ENOX1: variants seen among roughly 807,000 people sequenced by gnomAD.
ENOX1 encodes the protein ecto-NOX disulfide-thiol exchanger 1.
Under a neutral mutation model 82.5 loss-of-function variants are expected in ENOX1, and 42 were observed. The ratio of observed to expected loss-of-function variants is 0.51; its 90% CI spans 0.40 to 0.66. The LOEUF is 0.66. ENOX1 is among the 30% of genes least tolerant of loss of function. The probability of loss-of-function intolerance (pLI) is 0.00; values close to 1 mark genes in which losing one functional copy is unlikely to be tolerated. For synonymous variants in ENOX1, 271 were observed against 282.2 expected (o/e 0.96, Z 0.40); for missense variants, 608 against 811.6 (o/e 0.75, Z 3.05).
rs140261302 is a variant in ENOX1 at position 43,438,480 on chromosome 13, C to T, written c.-74-25492G>A. Among the ~76,000 whole-genome samples the T allele has an allele frequency of 3.9e-3, 587 of 152,288 alleles. 2 individuals carry two copies. Among genetic ancestry groups the T allele is most frequent in the African/African-American group, 0.013 (532 of 41,562 alleles). On this transcript the variant is annotated intron_variant, in intron 3 of 16. Transcript: ENST00000690772. ...CATTCAAAAATGAATCCCAGGTTTCCACCTCAAAGGAATTGTTGGATAAAA... is the reference window on the plus strand; with the variant it reads ...CATTCAAAAATGAATCCCAGGTTTCTACCTCAAAGGAATTGTTGGATAAAA...
intron 2 of ENOX1, among the ~76,000 whole-genome samples, chr13:43,570,849 C>G (rs186127856): frequency 6.6e-6 from 1 of 152,092 alleles, no homozygotes; most frequent in Non-Finnish European, 1.5e-5. Flanking sequence ...ACTGTTTGCA[C>G]GACAACATTT....
chr13:43,578,847 A>G (rs999493888), intron 2 of ENOX1, among the ~76,000 whole-genome samples: 13 of 152,038 alleles, frequency 8.6e-5, no homozygotes, highest in Non-Finnish European at 5.9e-5. Flanking sequence ...TCCACCTTTG[A>G]TCTCCTCCCC....
At position 43,427,229 on chromosome 13, in the gene ENOX1, C is replaced by G. The variant is rs184789424; in HGVS notation, c.-74-14241G>C. On this transcript the variant is annotated intron_variant, in intron 3 of 16. Coordinates refer to ENST00000690772, the MANE Select transcript of ENOX1 (RefSeq NM_001347969.2). ...CCTTATCTGCCAGCCAACACACTCC[C>G]CAGATGGAACCGCTGGGAAAATAGC... Among the ~76,000 whole-genome samples, 86 of 152,260 alleles carry G rather than the reference C, an allele frequency of 5.6e-4. No individual in the cohort carries two copies. The East Asian group carries it at 0.016, about 29-fold the overall frequency.
In ENOX1 at chr13:43,617,899, TG is replaced by T. The variant is rs1286476625; in HGVS notation, c.-219+49579del. ...ACGTCAACATCTACTGGTTTGTTGT[TG>T]TTGTTGTTGTTGTTGTTATGGCCAT... On this transcript the variant is annotated intron_variant, in intron 2 of 16. Coordinates refer to ENST00000690772, the MANE Select transcript of ENOX1 (RefSeq NM_001347969.2). Among the ~76,000 whole-genome samples the T allele has an allele frequency of 9.2e-5, 14 of 151,982 alleles. No homozygotes were observed. In the East Asian group the frequency reaches 2.3e-3, roughly 25 times the overall value.
intron 3 of ENOX1, among the ~76,000 whole-genome samples, chr13:43,415,527 T>G (rs924617960): frequency 5.9e-5 from 9 of 152,142 alleles, no homozygotes; most frequent in Non-Finnish European, 1.2e-4. Context: ...AACCCTGAGT[T>G]GACACAGCAC....
chr13:43,725,668 C>T (rs932100478), intron 1 of ENOX1, among the ~76,000 whole-genome samples: 5 of 152,038 alleles, frequency 3.3e-5, no homozygotes, highest in African/African-American at 1.2e-4. Flanking sequence ...CAGCTAGAAG[C>T]CACTTAGATA....
In ENOX1 at chr13:43,574,951, A is replaced by G. The variant is rs186385547; in HGVS notation, c.-218-90799T>C. Among the ~76,000 whole-genome samples the G allele has an allele frequency of 6.6e-5, 10 of 152,300 alleles. No individual in the cohort carries two copies. The East Asian group carries it at 1.7e-3, about 26-fold the overall frequency. The stretch of plus-strand genomic sequence containing the variant: ...TAACCAGTTCTGAGGCGGGGAAGGT[A>G]GGGAAGGAAAAGCAGTGCGCCTGGG... On this transcript the variant is annotated intron_variant, in intron 2 of 16. Transcript: ENST00000690772.
chr13:43,754,137 T>TATAA (rs1950499868), intron 1 of ENOX1, among the ~76,000 whole-genome samples: 4 of 146,774 alleles, frequency 2.7e-5, no homozygotes, highest in South Asian at 2.1e-4. Flanking sequence ...TATATACGTA[T>TATAA]ATACACATAT....
intron 2 of ENOX1, among the ~76,000 whole-genome samples, chr13:43,656,508 G>T (rs2084439020): frequency 6.6e-6 from 1 of 152,116 alleles, no homozygotes; most frequent in African/African-American, 2.4e-5. Context: ...CATACATTAC[G>T]CTGAGCCTCT....
At chr13:43,566,395 T>C (rs1219554621) in intron 2 of ENOX1, among the ~76,000 whole-genome samples, 1 of 152,102 alleles carries the variant, frequency 6.6e-6, no homozygotes, top group Non-Finnish European at 1.5e-5. Flanking sequence ...ATGCAACCCA[T>C]CAATGCATAG....
intron 3 of ENOX1, chr13:43,459,453 C>T (rs1254863242): frequency 6.6e-6 from 1 of 152,154 alleles, no homozygotes; most frequent in African/African-American, 2.4e-5. Context: ...AATGTTAATG[C>T]TATCATTATA....
At chr13:43,651,101 C>T (rs954605495) in intron 2 of ENOX1, among the ~76,000 whole-genome samples, 1 of 152,168 alleles carries the variant, frequency 6.6e-6, no homozygotes, top group African/African-American at 2.4e-5. Flanking sequence ...CTGCTCCACC[C>T]ACAGCACATG....
intron 5 of ENOX1, among the ~76,000 whole-genome samples, chr13:43,377,610 T>C (rs1332784622): frequency 6.6e-6 from 1 of 152,106 alleles, no homozygotes; most frequent in Non-Finnish European, 1.5e-5. Context: ...GAAGAAGGTA[T>C]GGGAAAAGGT....
chr13:43,759,130 T>C (rs2153834717), intron 1 of ENOX1, among the ~76,000 whole-genome samples: 1 of 138,628 alleles, frequency 7.2e-6, no homozygotes, highest in East Asian at 2.2e-4. Context: ...ACTGAGTCTC[T>C]CTGTGTCACA....
At chr13:43,693,603 T>C (rs1999118) in intron 1 of ENOX1, among the ~76,000 whole-genome samples, 7,085 of 152,280 alleles carry the variant, frequency 0.047, 329 homozygotes, top group African/African-American at 0.12. Flanking sequence ...ATTCTTATAA[T>C]AGAAAAGGTG....
At chr13:43,524,349 TC>T (rs2077900717) in intron 2 of ENOX1, among the ~76,000 whole-genome samples, 1 of 152,074 alleles carries the variant, frequency 6.6e-6, no homozygotes, top group Admixed American at 6.6e-5. Flanking sequence ...ACACACGTGT[TC>T]CTCTCCAGGC....
chr13:43,422,556 A>G (rs773904206), intron 3 of ENOX1, among the ~76,000 whole-genome samples: 3 of 152,194 alleles, frequency 2.0e-5, no homozygotes, highest in Non-Finnish European at 2.9e-5. Context: ...TCCATCTTAG[A>G]GAGGACATGG....
At chr13:43,354,557 T>G (rs748367573) in intron 8 of ENOX1, among the ~76,000 whole-genome samples, 13 of 151,980 alleles carry the variant, frequency 8.6e-5, no homozygotes, top group Non-Finnish European at 1.9e-4. Context: ...TTTTTTTTAG[T>G]GAAAACATCC....
chr13:43,737,690 G>T (rs1277471573), intron 1 of ENOX1, among the ~76,000 whole-genome samples: 1 of 152,136 alleles, frequency 6.6e-6, no homozygotes, highest in Non-Finnish European at 1.5e-5. Context: ...ACTAGGATTG[G>T]CCTTCTAAAA....
Sources: gnomAD v4.1 joint callset for allele counts (sites outside exome capture counted in the v4.1 genomes callset) on GRCh38, gnomAD v4.1.1 for gene constraint, MANE v1.5 for transcripts, NCBI Gene and HGNC (gene_info 2026-07-23, HGNC 2026-07-21) for gene names.